FGF12: variants seen among roughly 807,000 people sequenced by gnomAD.
FGF12 encodes fibroblast growth factor 12B.
A neutral mutation model predicts 23.6 loss-of-function variants in FGF12; 14 were observed. That is an observed-to-expected ratio of 0.59 (90% confidence interval 0.39 to 0.93). The LOEUF (loss-of-function observed/expected upper bound fraction) is 0.93, where lower values mean the gene tolerates loss of function less well. Among genes scored for constraint, FGF12 ranks in the 40% least tolerant of loss-of-function variants. FGF12 has a pLI of 0.00. For missense variants in FGF12, 175 were observed against 217.8 expected, an observed-to-expected ratio of 0.80 and a Z score of 1.24; for synonymous variants, 62 against 77.3, an observed-to-expected ratio of 0.80 and a Z score of 1.04.
intron 4 of FGF12, among the ~76,000 whole-genome samples, chr3:192,313,950 G>C (rs1029781807): frequency 1.4e-4 from 21 of 152,306 alleles, no homozygotes; most frequent in African/African-American, 4.8e-4. Context: ...TGGAGACTTA[G>C]AGAAGTAATC....
intron 4 of FGF12, among the ~76,000 whole-genome samples, chr3:192,260,118 A>C (rs1712654090): frequency 6.6e-6 from 1 of 152,130 alleles, no homozygotes; most frequent in African/African-American, 2.4e-5. Flanking sequence ...ACCAATCTCC[A>C]AACCAAAATC....
At chr3:192,219,253 T>TA (rs1718352791) in intron 4 of FGF12, among the ~76,000 whole-genome samples, 3 of 151,964 alleles carry the variant, frequency 2.0e-5, no homozygotes, top group Admixed American at 1.3e-4. Flanking sequence ...CCCGACTGAT[T>TA]TTTTTATTTT....
chr3:192,716,309 A>G (rs559807185), intron 2 of FGF12, among the ~76,000 whole-genome samples: 382 of 152,340 alleles, frequency 2.5e-3, no homozygotes, highest in African/African-American at 8.5e-3. Context: ...TCCTGGACCC[A>G]GCCAACAACG....
At chr3:192,205,880 G>A (rs979409438) in intron 4 of FGF12, among the ~76,000 whole-genome samples, 2 of 152,076 alleles carry the variant, frequency 1.3e-5, no homozygotes, top group East Asian at 1.9e-4. Context: ...TCTGGATTCC[G>A]CATGGCTATG....
At chr3:192,383,539 TA>T (rs34292300) in intron 2 of FGF12, among the ~76,000 whole-genome samples, 1,912 of 143,872 alleles carry the variant, frequency 0.013, 38 homozygotes, top group African/African-American at 0.044. Flanking sequence ...AAAATCTGAT[TA>T]AAAAAAAAAA....
intron 2 of FGF12, among the ~76,000 whole-genome samples, chr3:192,470,373 T>TTTGTTG (rs559328017): frequency 1.1e-4 from 16 of 151,944 alleles, no homozygotes; most frequent in Middle Eastern, 6.8e-3. Context: ...GTAATGGAAC[T>TTTGTTG]TTGTTGTTGT....
chr3:192,667,222 ATC>A (rs553204538), intron 2 of FGF12, among the ~76,000 whole-genome samples: 12 of 152,248 alleles, frequency 7.9e-5, no homozygotes, highest in Non-Finnish European at 1.6e-4. Flanking sequence ...TTAATAGAGG[ATC>A]TATATAATAG....
At chr3:192,679,529 C>T (rs1193698558) in intron 2 of FGF12, among the ~76,000 whole-genome samples, 1 of 151,902 alleles carries the variant, frequency 6.6e-6, no homozygotes, top group Non-Finnish European at 1.5e-5. Flanking sequence ...TGGTTTGAGC[C>T]CTGGAGTTTG....
At chr3:192,363,385 C>T (rs1278396833) in intron 2 of FGF12, among the ~76,000 whole-genome samples, 1 of 152,124 alleles carries the variant, frequency 6.6e-6, no homozygotes, top group South Asian at 2.1e-4. Flanking sequence ...GTGGAGCCAT[C>T]CCCTGTTGGA....
chr3:192,400,539 T>G (rs908327793), intron 2 of FGF12, among the ~76,000 whole-genome samples: 1 of 152,024 alleles, frequency 6.6e-6, no homozygotes, highest in Non-Finnish European at 1.5e-5. Context: ...GAGCTAATTT[T>G]TGTATTTTTA....
At chr3:192,505,506 CATAGA>C (rs1302624009) in intron 2 of FGF12, among the ~76,000 whole-genome samples, 2 of 152,052 alleles carry the variant, frequency 1.3e-5, no homozygotes, top group Non-Finnish European at 2.9e-5. Flanking sequence ...AATTCACACG[CATAGA>C]ATAGAAGAGA....
At chr3:192,468,076 A>G (rs1186412206) in intron 2 of FGF12, among the ~76,000 whole-genome samples, 1 of 152,208 alleles carries the variant, frequency 6.6e-6, no homozygotes, top group African/African-American at 2.4e-5. Context: ...ACGGAAATTC[A>G]AACAGCCCCC....
intron 2 of FGF12, among the ~76,000 whole-genome samples, chr3:192,440,507 A>G: frequency 6.6e-6 from 1 of 152,178 alleles, no homozygotes; most frequent in East Asian, 1.9e-4. Context: ...CCATCCACGG[A>G]ATGTAGCGAT....
chr3:192,362,828 A>G (rs1718794642), intron 2 of FGF12, among the ~76,000 whole-genome samples: 1 of 152,160 alleles, frequency 6.6e-6, no homozygotes, highest in Non-Finnish European at 1.5e-5. Flanking sequence ...ATTCTGAGAA[A>G]AGAGTATGTC....
intron 2 of FGF12, among the ~76,000 whole-genome samples, chr3:192,485,690 C>T (rs954696884): frequency 2.6e-5 from 4 of 151,906 alleles, no homozygotes; most frequent in African/African-American, 9.7e-5. Flanking sequence ...AGTATGAAGT[C>T]TAATTACCCT....
chr3:192,328,453 G>T (rs1344877083), intron 4 of FGF12, among the ~76,000 whole-genome samples: 1 of 152,204 alleles, frequency 6.6e-6, no homozygotes, highest in East Asian at 1.9e-4. Flanking sequence ...ATTATCACAT[G>T]TTGGTACCTG....
chr3:192,702,146 C>A (rs192943759), intron 2 of FGF12, among the ~76,000 whole-genome samples: 56 of 152,284 alleles, frequency 3.7e-4, no homozygotes, highest in African/African-American at 1.3e-3. Context: ...TGGCTTATTT[C>A]CCTTAATGGG....
At chr3:192,272,171 C>G (rs752616646) in intron 4 of FGF12, among the ~76,000 whole-genome samples, 2 of 151,896 alleles carry the variant, frequency 1.3e-5, no homozygotes, top group East Asian at 3.9e-4. Context: ...AAACAATCAC[C>G]CAGAGACAAA....
At chr3:192,482,211 C>G (rs550495049) in intron 2 of FGF12, among the ~76,000 whole-genome samples, 1 of 152,080 alleles carries the variant, frequency 6.6e-6, no homozygotes, top group Non-Finnish European at 1.5e-5. Context: ...AAGAACTAAG[C>G]AAAATGTGTA....
Sources: allele counts gnomAD v4.1 joint callset (sites outside exome capture counted in the v4.1 genomes callset), GRCh38; gene constraint gnomAD v4.1.1; transcripts MANE v1.5; gene names NCBI Gene and HGNC (gene_info 2026-07-23, HGNC 2026-07-21).